The following ARHGEF38 variants were observed in gnomAD, a reference collection of about 807,000 sequenced individuals.
ARHGEF38 encodes Rho guanine nucleotide exchange factor 38.
ARHGEF38 carries 79 observed loss-of-function variants against 79.9 expected under a neutral mutation model. The ratio of observed to expected loss-of-function variants is 0.99; its 90% CI spans 0.82 to 1.19. The LOEUF is 1.19. Among genes scored for constraint, ARHGEF38 ranks in the 50% most tolerant of loss-of-function variants. ARHGEF38 has a pLI of 0.00. For missense variants in ARHGEF38, 962 were observed against 907.2 expected (o/e 1.06, Z -0.78); for synonymous variants, 366 against 328.3 (o/e 1.11, Z -1.24).
intron 2 of ARHGEF38, among the ~76,000 whole-genome samples, chr4:105,610,033 A>G (rs1478922596): frequency 1.3e-5 from 2 of 152,152 alleles, no homozygotes; most frequent in Admixed American, 1.3e-4. Flanking sequence ...AGCCATAAAA[A>G]GGAATTGGAT....
intron 1 of ARHGEF38, chr4:105,561,479 A>AGAATAGAATAGAATAGAATG: frequency 1.9e-5 from 1 of 53,384 alleles, no homozygotes; most frequent in Non-Finnish European, 4.1e-5. Flanking sequence ...AGAATAGAAT[A>AGAATAGAATAGAATAGAATG]GAATAGAATA....
At chr4:105,631,144 T>C in intron 4 of ARHGEF38, 99 bp downstream of exon 4, 2 of 1,398,956 alleles carry the variant, frequency 1.4e-6, no homozygotes, top group Non-Finnish European at 1.9e-6. Context: ...AAATCCTATG[T>C]TTTATGAGAC....
chr4:105,608,375 A>G (rs534441980), intron 2 of ARHGEF38, among the ~76,000 whole-genome samples: 11 of 152,076 alleles, frequency 7.2e-5, no homozygotes, highest in East Asian at 1.9e-4. Flanking sequence ...AGAAATGTCT[A>G]TTTAGATCCT....
At chr4:105,616,311 A>C (rs1728505259) in intron 3 of ARHGEF38, among the ~76,000 whole-genome samples, 2 of 152,150 alleles carry the variant, frequency 1.3e-5, no homozygotes, top group Admixed American at 1.3e-4. Context: ...ACTACCTGAG[A>C]CTGGGTAATT....
At chr4:105,677,624 G>A (rs989840458) in intron 13 of ARHGEF38, 128 bp from the exon 14 acceptor site, 19 of 737,984 alleles carry the variant, frequency 2.6e-5, no homozygotes, top group Non-Finnish European at 3.8e-5. Flanking sequence ...AATAGAAGGA[G>A]TTGGACAATG....
chr4:105,645,952 T>G (rs1482032714), intron 6 of ARHGEF38, among the ~76,000 whole-genome samples: 1 of 152,220 alleles, frequency 6.6e-6, no homozygotes, highest in Non-Finnish European at 1.5e-5. Flanking sequence ...TAGTGTTTAA[T>G]GTAAAATTTC....
At chr4:105,630,586 T>G (rs1390003213) in intron 3 of ARHGEF38, among the ~76,000 whole-genome samples, 2 of 152,194 alleles carry the variant, frequency 1.3e-5, no homozygotes, top group Non-Finnish European at 2.9e-5. Context: ...ACCTTGTGTG[T>G]AAAGTTGCCT....
intron 2 of ARHGEF38, among the ~76,000 whole-genome samples, chr4:105,602,207 G>A (rs1727854265): frequency 6.6e-6 from 1 of 152,122 alleles, no homozygotes; most frequent in Non-Finnish European, 1.5e-5. Flanking sequence ...CATAGGGTAA[G>A]TTTAAAAATG....
At chr4:105,625,701 A>G (rs1445753492) in intron 3 of ARHGEF38, among the ~76,000 whole-genome samples, 2 of 152,212 alleles carry the variant, frequency 1.3e-5, no homozygotes, top group African/African-American at 2.4e-5. Flanking sequence ...GTGGGCTTTA[A>G]TTACATGGCC....
At chr4:105,556,950 C>A (rs1033511154) in intron 1 of ARHGEF38, among the ~76,000 whole-genome samples, 1 of 152,096 alleles carries the variant, frequency 6.6e-6, no homozygotes, top group African/African-American at 2.4e-5. Flanking sequence ...ATTCCCAACT[C>A]GACCTTTCAG....
At chr4:105,580,498 G>A (rs377250728) in intron 1 of ARHGEF38, among the ~76,000 whole-genome samples, 165 of 152,178 alleles carry the variant, frequency 1.1e-3, no homozygotes, top group African/African-American at 3.8e-3. Flanking sequence ...TGAACAAGTT[G>A]TTTCATTTCC....
At chr4:105,573,846 C>T (rs1726354876) in intron 1 of ARHGEF38, among the ~76,000 whole-genome samples, 1 of 151,852 alleles carries the variant, frequency 6.6e-6, no homozygotes, top group African/African-American at 2.4e-5. Context: ...CAAGTCTTTC[C>T]GTCCATGAAC....
chr4:105,555,575 A>G (rs1001654181), intron 1 of ARHGEF38, among the ~76,000 whole-genome samples: 7 of 152,164 alleles, frequency 4.6e-5, no homozygotes, highest in African/African-American at 1.7e-4. Context: ...GAGGCACTGA[A>G]TAAACACCTG....
At chr4:105,614,300 A>G (rs1728427607) in intron 3 of ARHGEF38, among the ~76,000 whole-genome samples, 1 of 152,138 alleles carries the variant, frequency 6.6e-6, no homozygotes, top group African/African-American at 2.4e-5. Context: ...AAGTACTAAA[A>G]CAATTCAGGA....
intron 4 of ARHGEF38, chr4:105,631,444 A>T: frequency 1.0e-6 from 1 of 986,238 alleles, no homozygotes; most frequent in Non-Finnish European, 1.2e-6. Flanking sequence ...ATGGCCTACA[A>T]CTCTGCATGG....
intron 1 of ARHGEF38, among the ~76,000 whole-genome samples, chr4:105,554,343 C>T (rs1274749536): frequency 3.3e-5 from 5 of 152,148 alleles, no homozygotes; most frequent in Non-Finnish European, 7.3e-5. Context: ...TTTTTCAGCC[C>T]TTGCCTCTGT....
chr4:105,553,529 A>G (rs900943567), intron 1 of ARHGEF38, among the ~76,000 whole-genome samples: 2 of 152,234 alleles, frequency 1.3e-5, no homozygotes, highest in African/African-American at 4.8e-5. Context: ...AAATTGAATA[A>G]TACTCAAATA....
chr4:105,643,872 CTT>C (rs5860804), intron 5 of ARHGEF38, among the ~76,000 whole-genome samples: 4,368 of 97,830 alleles, frequency 0.045, 55 homozygotes, highest in Middle Eastern at 0.11. Flanking sequence ...TGCCTTCCTA[CTT>C]TTTTTTTTTT....
rs1731275137 is a variant in ARHGEF38 at position 105,680,580 on chromosome 4, A to G, written c.*2643A>G. On this transcript the variant is annotated 3_prime_UTR_variant, in exon 14 of 14. Coordinates refer to ENST00000420470, the MANE Select transcript of ARHGEF38 (RefSeq NM_001242729.2). ...AGGGTCTTGTAGCTCATTTTATGAC[A>G]TGAAAAAAATCAAGGTCTAAAAGCT... 6.6e-6 allele frequency: 1 copy of G among 152,652 alleles called. No individual in the cohort carries two copies. The highest frequency in any genetic ancestry group is 1.5e-5 in the Non-Finnish European group (1 of 68,356). 9.5% of individuals were successfully genotyped at this position (152,652 alleles called of 1,614,324 possible).
Sources: allele counts gnomAD v4.1 joint callset (sites outside exome capture counted in the v4.1 genomes callset), GRCh38; gene constraint gnomAD v4.1.1; transcripts MANE v1.5; gene names NCBI Gene and HGNC (gene_info 2026-07-23, HGNC 2026-07-21).